The following EFCAB11 variants were observed in gnomAD, a reference collection of about 807,000 sequenced individuals.
EFCAB11 encodes the protein EF-hand calcium-binding domain-containing protein 11.
In EFCAB11, 14 loss-of-function variants were observed where a neutral mutation model predicts 23.0. The ratio of observed to expected loss-of-function variants is 0.61; its 90% confidence interval spans 0.40 to 0.95. The LOEUF is 0.95. Ranked by LOEUF, EFCAB11 falls within the 40% of genes least tolerant of loss-of-function variation. The pLI is 0.00. For missense variants in EFCAB11, 198 were observed against 195.8 expected, an observed-to-expected ratio of 1.01 and a Z score of -0.07; for synonymous variants, 65 against 66.6, an observed-to-expected ratio of 0.98 and a Z score of 0.11.
chr14:89,836,803 G>A (rs1887098252), intron 5 of EFCAB11: 2 of 391,138 alleles, frequency 5.1e-6, no homozygotes, highest in East Asian at 1.4e-4. Context: ...CAGATCACTT[G>A]AGGCTAGGAG....
chr14:89,911,135 G>C (rs2140215737), intron 5 of EFCAB11, among the ~76,000 whole-genome samples: 1 of 152,286 alleles, frequency 6.6e-6, no homozygotes, highest in East Asian at 1.9e-4. Context: ...AAAATAAATA[G>C]AAGTGAAGTC....
At chr14:89,853,531 C>A (rs1566784845) in intron 5 of EFCAB11, among the ~76,000 whole-genome samples, 1 of 152,054 alleles carries the variant, frequency 6.6e-6, no homozygotes, top group Non-Finnish European at 1.5e-5. Context: ...AGCAACTTAC[C>A]CAAAGTCACA....
At chr14:89,876,902 A>C (rs1888457716) in intron 5 of EFCAB11, among the ~76,000 whole-genome samples, 1 of 151,414 alleles carries the variant, frequency 6.6e-6, no homozygotes, top group African/African-American at 2.4e-5. Context: ...TGATGCCTAC[A>C]TCCTGCTTAC....
At position 89,797,162 on chromosome 14, in the gene EFCAB11, A is replaced by G; in HGVS notation, c.*81T>C. The stretch of plus-strand genomic sequence containing the variant: ...AAATGTTTAATCACAAGTCTGTAGC[A>G]TGACATCATTAGTAGAGTCGAGTCT... On this transcript the variant is annotated 3_prime_UTR_variant, in exon 6 of 6. Transcript: ENST00000316738. The G allele has an allele frequency of 7.5e-7, 1 of 1,335,538 alleles. No individual in the cohort carries two copies. Among genetic ancestry groups the G allele is most frequent in the South Asian group, 1.3e-5 (1 of 78,532 alleles). The allele number at this position is 1,335,538 out of a possible 1,614,324, so 82.7% of individuals were successfully genotyped here.
chr14:89,927,034 G>A (rs1458192044), intron 5 of EFCAB11, among the ~76,000 whole-genome samples: 2 of 152,114 alleles, frequency 1.3e-5, no homozygotes, highest in Non-Finnish European at 2.9e-5. Flanking sequence ...AACATCACCA[G>A]AATACCTAGG....
At chr14:89,889,054 C>G (rs913634232) in intron 5 of EFCAB11, among the ~76,000 whole-genome samples, 1 of 152,134 alleles carries the variant, frequency 6.6e-6, no homozygotes. Flanking sequence ...AGAAGAAACA[C>G]AGAGGCAGAG....
chr14:89,922,039 A>C (rs1292589418), intron 5 of EFCAB11, among the ~76,000 whole-genome samples: 1 of 152,254 alleles, frequency 6.6e-6, no homozygotes, highest in Non-Finnish European at 1.5e-5. Flanking sequence ...AATAACTTCA[A>C]GGATGACTGA....
At chr14:89,901,773 G>C in intron 5 of EFCAB11, among the ~76,000 whole-genome samples, 1 of 152,186 alleles carries the variant, frequency 6.6e-6, no homozygotes, top group South Asian at 2.1e-4. Context: ...ACACAATACA[G>C]AATATAATAT....
At chr14:89,811,320 G>A (rs555444402) in intron 5 of EFCAB11, among the ~76,000 whole-genome samples, 212 of 152,258 alleles carry the variant, frequency 1.4e-3, no homozygotes, top group African/African-American at 5.0e-3. Flanking sequence ...TGCAAAGAGC[G>A]ATGGGAAGTC....
At position 89,824,790 on chromosome 14, in the gene EFCAB11, C is replaced by T. The variant is rs547501986; in HGVS notation, c.411-27466G>A. The stretch of plus-strand genomic sequence containing the variant: ...AGACATTTCATAATTATAGCAGGGT[C>T]GATTAATCAAGAAGACATAATAATT... On this transcript the variant is annotated intron_variant, in intron 5 of 5. Coordinates refer to ENST00000316738, the MANE Select transcript of EFCAB11 (RefSeq NM_145231.4). Among the ~76,000 whole-genome samples the T allele has an allele frequency of 4.0e-5, 6 of 151,890 alleles. No individual in the cohort carries two copies. The South Asian group carries it at 1.2e-3, about 32-fold the overall frequency.
rs948872609 is a variant in EFCAB11, at chr14:89,954,706, G to A, written c.-46C>T. 2.5e-6 allele frequency: 4 copies of A among 1,588,768 alleles called. No individual in the cohort carries two copies. Among genetic ancestry groups the A allele is most frequent in the African/African-American group, 1.3e-5 (1 of 74,314 alleles). ...CCCAGCAACCCAACCAGCTACCACC[G>A]CTTTCCCAGCCTGGCTGGCAGCCTA... On this transcript the variant is annotated 5_prime_UTR_variant, in exon 1 of 6. Transcript: ENST00000316738.
intron 5 of EFCAB11, among the ~76,000 whole-genome samples, chr14:89,828,189 T>A (rs192524702): frequency 4.6e-5 from 7 of 152,290 alleles, no homozygotes; most frequent in African/African-American, 1.7e-4. Context: ...ATATAACCAC[T>A]TATTGTATTG....
chr14:89,934,572 G>T (rs1890514493), intron 3 of EFCAB11, among the ~76,000 whole-genome samples: 1 of 152,102 alleles, frequency 6.6e-6, no homozygotes, highest in South Asian at 2.1e-4. Flanking sequence ...TAGGCAACAG[G>T]GCATATCTCC....
chr14:89,925,054 T>C (rs562388970), intron 5 of EFCAB11, among the ~76,000 whole-genome samples: 1 of 152,330 alleles, frequency 6.6e-6, no homozygotes, highest in Admixed American at 6.5e-5. Context: ...CAATAAATAC[T>C]ATCAACATTT....
chr14:89,805,425 A>C (rs1885935691), intron 5 of EFCAB11, among the ~76,000 whole-genome samples: 1 of 152,174 alleles, frequency 6.6e-6, no homozygotes, highest in Non-Finnish European at 1.5e-5. Context: ...AAACATAATG[A>C]AGTCTAGGAA....
intron 5 of EFCAB11, among the ~76,000 whole-genome samples, chr14:89,811,736 C>A (rs1263455458): frequency 6.6e-6 from 1 of 152,128 alleles, no homozygotes; most frequent in Non-Finnish European, 1.5e-5. Flanking sequence ...AGGAATGTGG[C>A]CCTGCTGACA....
chr14:89,869,227 T>C (rs376457574), intron 5 of EFCAB11, among the ~76,000 whole-genome samples: 3 of 152,112 alleles, frequency 2.0e-5, no homozygotes, highest in African/African-American at 7.2e-5. Flanking sequence ...AATAAAAATA[T>C]CTCTAATGTA....
chr14:89,836,747 A>T (rs1012963066), intron 5 of EFCAB11: 5 of 440,570 alleles, frequency 1.1e-5, no homozygotes, highest in African/African-American at 2.0e-5. Flanking sequence ...GGCTGGGCAC[A>T]GTGGCTTACA....
At chr14:89,953,841 C>T (rs147017838) in intron 2 of EFCAB11, 65 bp downstream of exon 2, 3 of 1,388,046 alleles carry the variant, frequency 2.2e-6, no homozygotes, top group Admixed American at 1.9e-5. Context: ...GCCCTGTGAA[C>T]TTTTCTTAGG....
Sources: gnomAD v4.1 joint callset for allele counts (sites outside exome capture counted in the v4.1 genomes callset) on GRCh38, gnomAD v4.1.1 for gene constraint, MANE v1.5 for transcripts, NCBI Gene and HGNC (gene_info 2026-07-23, HGNC 2026-07-21) for gene names.